Variants in RASGEF1C observed in about 807,000 individuals in gnomAD.
The protein encoded by RASGEF1C is ras-GEF domain-containing family member 1C.
A neutral mutation model predicts 58.1 loss-of-function variants in RASGEF1C; 27 were observed. The observed-to-expected ratio is 0.46, with a 90% CI of 0.34 to 0.64. RASGEF1C has a LOEUF of 0.64. Ranked by LOEUF, RASGEF1C falls within the 30% of genes least tolerant of loss-of-function variation. RASGEF1C has a pLI of 0.01. For synonymous variants in RASGEF1C, 243 were observed against 246.3 expected (o/e 0.99, Z 0.13); for missense variants, 502 against 605.1 (o/e 0.83, Z 1.79).
chr5:180,133,245 A>G (rs1766400369), intron 4 of RASGEF1C, among the ~76,000 whole-genome samples: 1 of 152,334 alleles, frequency 6.6e-6, no homozygotes, highest in South Asian at 2.1e-4. Context: ...GGGACTCCCC[A>G]GAACCACGGT....
intron 4 of RASGEF1C, among the ~76,000 whole-genome samples, chr5:180,130,098 G>A (rs897915455): frequency 3.9e-5 from 6 of 152,192 alleles, no homozygotes; most frequent in African/African-American, 1.4e-4. Context: ...CACAGCGGCG[G>A]CAGCACAGAC....
chr5:180,103,223 A>T (rs572018369), intron 12 of RASGEF1C, among the ~76,000 whole-genome samples: 1 of 152,180 alleles, frequency 6.6e-6, no homozygotes, highest in Non-Finnish European at 1.5e-5. Flanking sequence ...GACTACAGGT[A>T]CCCACCACCA....
chr5:180,167,058 C>T (rs1767033889), intron 1 of RASGEF1C, among the ~76,000 whole-genome samples: 1 of 152,048 alleles, frequency 6.6e-6, no homozygotes, highest in Non-Finnish European at 1.5e-5. Context: ...GTGTTTTATT[C>T]TGCTTGAGAT....
chr5:180,183,552 T>C (rs1032167333), intron 1 of RASGEF1C, among the ~76,000 whole-genome samples: 1 of 151,316 alleles, frequency 6.6e-6, no homozygotes, highest in African/African-American at 2.4e-5. Context: ...AGGCTAGGCA[T>C]GGTGGCTTAC....
At chr5:180,115,981 A>G (rs1766060209) in intron 10 of RASGEF1C, among the ~76,000 whole-genome samples, 2 of 152,106 alleles carry the variant, frequency 1.3e-5, no homozygotes, top group Non-Finnish European at 2.9e-5. Flanking sequence ...AGACGCACCA[A>G]GACAGGGAGG....
At position 180,114,521 on chromosome 5, in the gene RASGEF1C, G is replaced by A; in HGVS notation, c.1104C>T (p.Ser368=). 6.2e-7 allele frequency: 1 copy of A among 1,611,812 alleles called. No homozygotes were observed. Among genetic ancestry groups the A allele is most frequent in the Non-Finnish European group, 8.5e-7 (1 of 1,178,488 alleles). Residue 368 remains serine, a synonymous_variant, in exon 11 of 14, where the codon AGC becomes AGT. Transcript: ENST00000361132. ...SREKIVIPFF[S]LLIKDIYFLN... The stretch of plus-strand genomic sequence containing the variant: ...GGAAGTAGATGTCTTTGATGAGCAG[G>A]CTGAAGAAAGGAATGACAATCTGGA...
At chr5:180,121,228 A>C in intron 6 of RASGEF1C, 79 bp from the exon 7 acceptor site, 1 of 948,202 alleles carries the variant, frequency 1.1e-6, no homozygotes, top group Non-Finnish European at 1.7e-6. Flanking sequence ...TCAGTTCATG[A>C]TCCTTACGAT....
At chr5:180,109,685 G>T (rs1332161154) in intron 12 of RASGEF1C, among the ~76,000 whole-genome samples, 10 of 152,172 alleles carry the variant, frequency 6.6e-5, no homozygotes, top group Non-Finnish European at 1.3e-4. Flanking sequence ...GACTAAGGTG[G>T]AGAGAAGATG....
intron 3 of RASGEF1C, 91 bp from the exon 4 acceptor site, chr5:180,136,606 G>T: frequency 7.2e-7 from 1 of 1,396,356 alleles, no homozygotes; most frequent in Non-Finnish European, 9.6e-7. Flanking sequence ...GGCCGCCCGG[G>T]GCAGGCAGGG....
chr5:180,207,425 C>T lies in RASGEF1C; in HGVS notation c.-7+1603G>A, dbSNP rs114397923. ...GGGTCCCACGCAAGGAACCAAGGCC[C>T]CTTGGACAAATGGCTGACTCTGGAT... On this transcript the variant is annotated intron_variant, in intron 1 of 13. Coordinates refer to ENST00000361132, the MANE Select transcript of RASGEF1C (RefSeq NM_175062.4). Among the ~76,000 whole-genome samples, 12 of 152,352 alleles carry T rather than the reference C, an allele frequency of 7.9e-5. No homozygotes were observed. The East Asian group carries it at 1.9e-3, about 25-fold the overall frequency.
intron 1 of RASGEF1C, among the ~76,000 whole-genome samples, chr5:180,161,878 G>T (rs543235650): frequency 1.3e-5 from 2 of 152,354 alleles, no homozygotes; most frequent in South Asian, 4.1e-4. Flanking sequence ...ACCGACTGAG[G>T]TTCTCCTGTC....
intron 1 of RASGEF1C, among the ~76,000 whole-genome samples, chr5:180,148,730 T>TA (rs1429965275): frequency 2.0e-5 from 3 of 151,996 alleles, no homozygotes; most frequent in Non-Finnish European, 2.9e-5. Context: ...TTAAATCATG[T>TA]AAAAAAAAGG....
At chr5:180,114,406 G>T (rs368211320) in intron 11 of RASGEF1C, 40 bp downstream of exon 11, 355 of 1,593,376 alleles carry the variant, frequency 2.2e-4, no homozygotes, top group Non-Finnish European at 3.0e-4. Context: ...AACTTTTCCC[G>T]GCCTGTCTAC....
chr5:180,188,944 T>C (rs1756096407), intron 1 of RASGEF1C, among the ~76,000 whole-genome samples: 1 of 152,100 alleles, frequency 6.6e-6, no homozygotes, highest in Non-Finnish European at 1.5e-5. Flanking sequence ...CAGTCTAGTA[T>C]AATAAGACAA....
At chr5:180,205,720 AT>A (rs1159968015) in intron 1 of RASGEF1C, among the ~76,000 whole-genome samples, 16 of 141,226 alleles carry the variant, frequency 1.1e-4, no homozygotes, top group Middle Eastern at 3.7e-3. Context: ...TTATAATATT[AT>A]TATTATTATT....
chr5:180,149,165 G>C (rs547141874), intron 1 of RASGEF1C, among the ~76,000 whole-genome samples: 3 of 139,776 alleles, frequency 2.1e-5, no homozygotes, highest in African/African-American at 5.4e-5. Flanking sequence ...TCGGCTCACT[G>C]CAAACTCTGC....
intron 1 of RASGEF1C, among the ~76,000 whole-genome samples, chr5:180,141,434 G>A (rs188865121): frequency 2.3e-4 from 35 of 152,330 alleles, no homozygotes; most frequent in Admixed American, 1.0e-3. Flanking sequence ...CCTTGAGGAC[G>A]TCATGCTAAG....
intron 4 of RASGEF1C, among the ~76,000 whole-genome samples, chr5:180,129,565 C>T (rs151183315): frequency 1.4e-3 from 213 of 152,338 alleles, no homozygotes; most frequent in Admixed American, 2.0e-3. Flanking sequence ...GCAGATGCCA[C>T]ACCTGCCCAC....
chr5:180,136,706 G>C (rs997790356), intron 3 of RASGEF1C, 191 bp from the exon 4 acceptor site: 2 of 606,836 alleles, frequency 3.3e-6, no homozygotes, highest in Non-Finnish European at 5.7e-6. Context: ...ACACATTTCT[G>C]GGCAGGGCCA....
Sources: gnomAD v4.1 joint callset for allele counts (sites outside exome capture counted in the v4.1 genomes callset) on GRCh38, gnomAD v4.1.1 for gene constraint, MANE v1.5 for transcripts, NCBI Gene and HGNC (gene_info 2026-07-23, HGNC 2026-07-21) for gene names.